FAM110B: variants seen among roughly 807,000 people sequenced by gnomAD.
The protein encoded by FAM110B is protein FAM110B.
FAM110B carries 6 observed loss-of-function variants against 20.4 expected under a neutral mutation model. The ratio of observed to expected loss-of-function variants is 0.29; its 90% confidence interval spans 0.16 to 0.58. The LOEUF (loss-of-function observed/expected upper bound fraction) is 0.58, where lower values mean the gene tolerates loss of function less well. FAM110B is among the 20% of genes least tolerant of loss of function. FAM110B has a pLI of 0.90. For missense variants in FAM110B, 434 were observed against 498.2 expected, an observed-to-expected ratio of 0.87 and a Z score of 1.23; for synonymous variants, 226 against 214.1, an observed-to-expected ratio of 1.06 and a Z score of -0.49.
At chr8:58,135,603 A>G (rs1803592231) in intron 3 of FAM110B, among the ~76,000 whole-genome samples, 1 of 152,238 alleles carries the variant, frequency 6.6e-6, no homozygotes, top group African/African-American at 2.4e-5. Context: ...TTGGCACAGT[A>G]AACTTTATCA....
intron 3 of FAM110B, among the ~76,000 whole-genome samples, chr8:58,079,209 A>G (rs1279188620): frequency 6.6e-6 from 1 of 152,192 alleles, no homozygotes; most frequent in Non-Finnish European, 1.5e-5. Context: ...CTCAGGAATC[A>G]GGAGAGTCGG....
intron 3 of FAM110B, among the ~76,000 whole-genome samples, chr8:58,079,320 T>C (rs1158824363): frequency 6.6e-6 from 1 of 152,180 alleles, no homozygotes; most frequent in Non-Finnish European, 1.5e-5. Context: ...AGCAGGGATT[T>C]TAGATGTTTT....
chr8:58,050,226 A>G (rs1805412588), intron 2 of FAM110B, among the ~76,000 whole-genome samples: 1 of 151,378 alleles, frequency 6.6e-6, no homozygotes, highest in Non-Finnish European at 1.5e-5. Context: ...TTTTTTTAAC[A>G]TGTTCACATC....
At chr8:58,050,825 C>T (rs149246256) in intron 2 of FAM110B, among the ~76,000 whole-genome samples, 110 of 152,244 alleles carry the variant, frequency 7.2e-4, no homozygotes, top group Middle Eastern at 6.8e-3. Context: ...CCAGGGATTA[C>T]GCACAGGGCA....
At chr8:58,025,127 G>A (rs928708804) in intron 1 of FAM110B, among the ~76,000 whole-genome samples, 1 of 152,184 alleles carries the variant, frequency 6.6e-6, no homozygotes, top group African/African-American at 2.4e-5. Flanking sequence ...TAACCAGGCA[G>A]GGGTTTGTGG....
At chr8:58,061,405 A>G (rs560146614) in intron 2 of FAM110B, among the ~76,000 whole-genome samples, 2 of 151,794 alleles carry the variant, frequency 1.3e-5, no homozygotes, top group Non-Finnish European at 1.5e-5. Context: ...GGCTTGACTC[A>G]GACTTTATGA....
At chr8:57,998,254 T>G (rs953750555) in intron 1 of FAM110B, among the ~76,000 whole-genome samples, 1 of 152,216 alleles carries the variant, frequency 6.6e-6, no homozygotes, top group African/African-American at 2.4e-5. Context: ...GATGGCACAT[T>G]TAGCTTCTTT....
chr8:58,051,531 T>G (rs1304913979), intron 2 of FAM110B, among the ~76,000 whole-genome samples: 1 of 152,178 alleles, frequency 6.6e-6, no homozygotes. Context: ...TCAGGCTGCT[T>G]GTTAGGACTT....
chr8:58,125,819 C>A (rs1316034263), intron 3 of FAM110B, among the ~76,000 whole-genome samples: 2 of 152,180 alleles, frequency 1.3e-5, no homozygotes, highest in African/African-American at 4.8e-5. Flanking sequence ...TCTCTTCCCC[C>A]AGCTGTTTTC....
At chr8:58,030,350 A>G (rs1315399262) in intron 1 of FAM110B, among the ~76,000 whole-genome samples, 1 of 152,200 alleles carries the variant, frequency 6.6e-6, no homozygotes, top group East Asian at 1.9e-4. Flanking sequence ...AGGAGAAAGT[A>G]GGCTGTTTTG....
At position 58,088,190 on chromosome 8, in the gene FAM110B, A is replaced by T. The variant is rs555087637; in HGVS notation, c.-325+12567A>T. Among the ~76,000 whole-genome samples, 9 of 152,372 alleles carry T rather than the reference A, an allele frequency of 5.9e-5. No homozygotes were observed. In the South Asian group the frequency reaches 1.9e-3, roughly 32 times the overall value. On this transcript the variant is annotated intron_variant, in intron 3 of 3. Coordinates refer to ENST00000519262, the MANE Select transcript of FAM110B (RefSeq NM_001377989.1). ...TTTACACCTGTTGTAGTATGCTAGG[A>T]TTATAAATATTCTACAATTAATTTT...
chr8:58,146,639 C>T lies in FAM110B; in HGVS notation c.409C>T (p.His137Tyr). The change falls in exon 4 of 4, where the codon CAC (histidine) becomes TAC (tyrosine). Residue 137 changes from histidine (H) to tyrosine (Y), a missense_variant. His to Tyr is a moderately conservative substitution (Grantham distance 83, BLOSUM62 2). Coordinates refer to ENST00000519262, the MANE Select transcript of FAM110B (RefSeq NM_001377989.1). ...CGAGGGCTCTAGCTCGGGCTCGGGGCACAAGCACAGCTCCCGCAACTGGCC... is the reference window on the plus strand; with the variant it reads ...CGAGGGCTCTAGCTCGGGCTCGGGGTACAAGCACAGCTCCCGCAACTGGCC... ...SSEGSSSGSG[H>Y]KHSSRNWPPH... The T allele has an allele frequency of 6.2e-7, 1 of 1,613,496 alleles. No homozygotes were observed.
intron 2 of FAM110B, among the ~76,000 whole-genome samples, chr8:58,069,819 T>C (rs1368511073): frequency 1.3e-5 from 2 of 152,198 alleles, no homozygotes; most frequent in East Asian, 3.8e-4. Context: ...TTATTTATTC[T>C]TAATGCTGGA....
At chr8:58,058,617 T>C (rs1805595297) in intron 2 of FAM110B, among the ~76,000 whole-genome samples, 1 of 152,192 alleles carries the variant, frequency 6.6e-6, no homozygotes, top group Admixed American at 6.5e-5. Flanking sequence ...TTGAAATACA[T>C]AAACTATAAC....
At chr8:58,062,412 T>C (rs1585853137) in intron 2 of FAM110B, among the ~76,000 whole-genome samples, 1 of 152,226 alleles carries the variant, frequency 6.6e-6, no homozygotes, top group East Asian at 1.9e-4. Flanking sequence ...CAGATTTCTG[T>C]TAAACAGACT....
chr8:58,143,017 C>T (rs1168572573), intron 3 of FAM110B, among the ~76,000 whole-genome samples: 1 of 148,844 alleles, frequency 6.7e-6, no homozygotes, highest in African/African-American at 2.5e-5. Context: ...TCTGAACAGA[C>T]GTCATGGTTA....
At chr8:58,108,223 C>T (rs182345525) in intron 3 of FAM110B, among the ~76,000 whole-genome samples, 1 of 152,268 alleles carries the variant, frequency 6.6e-6, no homozygotes, top group East Asian at 1.9e-4. Flanking sequence ...CAACAAGATG[C>T]CAGTGATGGT....
At chr8:58,000,870 A>G (rs1333751505) in intron 1 of FAM110B, among the ~76,000 whole-genome samples, 1 of 152,242 alleles carries the variant, frequency 6.6e-6, no homozygotes, top group African/African-American at 2.4e-5. Flanking sequence ...GTCCTTTCAA[A>G]TGATCATTTA....
intron 3 of FAM110B, among the ~76,000 whole-genome samples, chr8:58,097,574 T>C (rs1004138671): frequency 3.3e-5 from 5 of 152,204 alleles, no homozygotes; most frequent in Admixed American, 6.5e-5. Context: ...CTCCGTCCAG[T>C]TTTGTTTCCT....
Sources: allele counts gnomAD v4.1 joint callset (sites outside exome capture counted in the v4.1 genomes callset), GRCh38; gene constraint gnomAD v4.1.1; transcripts MANE v1.5; gene names NCBI Gene and HGNC (gene_info 2026-07-23, HGNC 2026-07-21).